SIAE: variants seen among roughly 807,000 people sequenced by gnomAD.
SIAE encodes sialic acid acetylesterase, also known as sialate O-acetylesterase.
In SIAE, 39 loss-of-function variants were observed where a neutral mutation model predicts 52.6. The ratio of observed to expected loss-of-function variants is 0.74; its 90% CI spans 0.57 to 0.97. The LOEUF is 0.97. Among genes scored for constraint, SIAE ranks in the 50% least tolerant of loss-of-function variants. The probability of loss-of-function intolerance (pLI) is 0.00; values close to 1 mark genes in which losing one functional copy is unlikely to be tolerated. For missense variants in SIAE, 592 were observed against 662.1 expected (o/e 0.89, Z 1.16); for synonymous variants, 233 against 241.4 (o/e 0.97, Z 0.32).
chr11:124,659,666 C>T (rs1045989151), intron 3 of SIAE: 5 of 139,916 alleles, frequency 3.6e-5, no homozygotes, highest in East Asian at 2.1e-4. Flanking sequence ...GGGGGGCTTC[C>T]GTATATATAA....
chr11:124,646,341 G>A (rs557482839), intron 7 of SIAE, among the ~76,000 whole-genome samples: 8 of 152,294 alleles, frequency 5.3e-5, no homozygotes, highest in African/African-American at 1.7e-4. Context: ...TGTGACCCAG[G>A]AAAATGTAGT....
intron 7 of SIAE, among the ~76,000 whole-genome samples, chr11:124,643,800 T>A (rs770414386): frequency 6.6e-6 from 1 of 152,190 alleles, no homozygotes; most frequent in African/African-American, 2.4e-5. Context: ...TTACAAACCA[T>A]GATCTAACTG....
rs993623638 is a variant in SIAE at position 124,636,263 on chromosome 11, C to T, written c.*688G>A. ...CATTTCTTAAACATTCATATTACCA[C>T]TATTTAGATTGAAGGAACAGAATTG... On this transcript the variant is annotated 3_prime_UTR_variant, in exon 10 of 10. Coordinates refer to ENST00000263593, the MANE Select transcript of SIAE (RefSeq NM_170601.5). The T allele has an allele frequency of 3.9e-5, 6 of 153,264 alleles. No homozygotes were observed. Among genetic ancestry groups the T allele is most frequent in the African/African-American group, 1.4e-4 (6 of 41,442 alleles). 9.5% of individuals were successfully genotyped at this position (153,264 alleles called of 1,614,324 possible).
intron 7 of SIAE, among the ~76,000 whole-genome samples, chr11:124,644,296 A>G (rs1240597544): frequency 6.7e-6 from 1 of 148,532 alleles, no homozygotes; most frequent in East Asian, 2.1e-4. Context: ...CATGTGCACC[A>G]GCCAGGGTCA....
At chr11:124,651,564 GAGTA>G (rs1469416512) in intron 4 of SIAE, among the ~76,000 whole-genome samples, 1 of 148,920 alleles carries the variant, frequency 6.7e-6, no homozygotes, top group Admixed American at 6.7e-5. Context: ...AAAAAAAAAA[GAGTA>G]AGACAAGTAT....
At chr11:124,642,421 T>C (rs1942863317) in intron 7 of SIAE, among the ~76,000 whole-genome samples, 1 of 152,206 alleles carries the variant, frequency 6.6e-6, no homozygotes, top group Non-Finnish European at 1.5e-5. Flanking sequence ...CCCATTCTTA[T>C]ACCCTAGTGG....
chr11:124,675,051 G>T (rs1405364037), upstream of SIAE: 5 of 511,180 alleles, frequency 9.8e-6, no homozygotes, highest in Admixed American at 3.7e-5. Flanking sequence ...GTCTGTGTTT[G>T]TATTATACTA....
chr11:124,675,543 A>G, upstream of SIAE: 2 of 1,020,486 alleles, frequency 2.0e-6, no homozygotes, highest in South Asian at 1.7e-5. Context: ...TTCAGATAAC[A>G]GTTCTTGCTC....
rs118136285 is a variant in SIAE, at chr11:124,650,178, C to A, written c.545-382G>T. Among the ~76,000 whole-genome samples the A allele has an allele frequency of 2.0e-3, 306 of 152,290 alleles. 2 individuals are homozygous for A. Among genetic ancestry groups the A allele is most frequent in the South Asian group, 8.3e-3 (40 of 4,822 alleles). ...ATATGATAGCGATTTTGCTCTCAGTCTGATTATAAATAATTCACTTACATA... is the reference window on the plus strand; with the variant it reads ...ATATGATAGCGATTTTGCTCTCAGTATGATTATAAATAATTCACTTACATA... On this transcript the variant is annotated intron_variant, in intron 4 of 9. Transcript: ENST00000263593.
In SIAE at chr11:124,673,684, C is replaced by G. The variant is rs566616753; in HGVS notation, c.25G>C (p.Gly9Arg). Residue 9 changes from glycine (G) to arginine (R), a missense_variant, in exon 1 of 10, where the codon GGG becomes CGG. By Grantham distance (125) the Gly-to-Arg change is moderately radical (BLOSUM62 -2). Coordinates refer to ENST00000263593, the MANE Select transcript of SIAE (RefSeq NM_170601.5). The stretch of plus-strand genomic sequence containing the variant: ...CACAGGATTAATGGCAGCACCAGCC[C>G]GAGTACAAGCCCCGGCGCGACCATG... MVAPGLVL[G>R]LVLPLILWAD... 29 of 1,613,632 alleles carry G rather than the reference C, an allele frequency of 1.8e-5. No individual in the cohort carries two copies. The highest frequency in any genetic ancestry group is 1.2e-4 in the Admixed American group (7 of 60,012).
chr11:124,635,392 A>G lies in SIAE; in HGVS notation c.*1559T>C, dbSNP rs1019265308. ...AACTAAATAAAATCTTGGCACTGAC[A>G]AAGTTATTCCTGCTGTTTGGAGCTA... On this transcript the variant is annotated 3_prime_UTR_variant, in exon 10 of 10. Coordinates refer to ENST00000263593, the MANE Select transcript of SIAE (RefSeq NM_170601.5). 1 of 152,214 alleles carries G rather than the reference A, an allele frequency of 6.6e-6. No homozygotes were observed. The highest frequency in any genetic ancestry group is 1.9e-4 in the East Asian group (1 of 5,198). 9.4% of individuals were successfully genotyped at this position (152,214 alleles called of 1,614,324 possible).
At chr11:124,666,877 G>A (rs1248773851) in intron 2 of SIAE, among the ~76,000 whole-genome samples, 1 of 152,162 alleles carries the variant, frequency 6.6e-6, no homozygotes, top group Non-Finnish European at 1.5e-5. Flanking sequence ...CACAATCACT[G>A]TAAAGGAAAA....
At chr11:124,659,755 C>T (rs1943159137) in intron 3 of SIAE, 1 of 147,076 alleles carries the variant, frequency 6.8e-6, no homozygotes, top group Admixed American at 6.9e-5. Context: ...AATCAGAAAA[C>T]TAATGATGAA....
chr11:124,637,806 C>T (rs76017121), intron 9 of SIAE, among the ~76,000 whole-genome samples: 2,446 of 152,214 alleles, frequency 0.016, 67 homozygotes, highest in African/African-American at 0.056. Context: ...AGGTGGATAC[C>T]GTAGTTAGGA....
Position 124,634,987 on chromosome 11 carries a change from A to G in SIAE, c.*1964T>C, listed in dbSNP as rs1942692236. ...TTGGGGAAATGCAGTGAATTCCCAC[A>G]TCATGTTTTAAATTACTCAGCCACT... is the stretch of plus-strand genomic sequence containing the variant. On this transcript the variant is annotated 3_prime_UTR_variant, in exon 10 of 10. Transcript: ENST00000263593. The G allele has an allele frequency of 6.6e-6, 1 of 152,228 alleles. No homozygotes were observed. Among genetic ancestry groups the G allele is most frequent in the Non-Finnish European group, 1.5e-5 (1 of 68,036 alleles). The allele number at this position is 152,228 out of a possible 1,614,324, so 9.4% of individuals were successfully genotyped here. A position where few individuals can be genotyped will look rare whatever the true frequency, so the allele number is the denominator to read the frequency against.
rs926126011 is a variant in SIAE, at chr11:124,636,253, C to G, written c.*698G>C. The G allele has an allele frequency of 1.3e-5, 2 of 152,816 alleles. No homozygotes were observed. The highest frequency in any genetic ancestry group is 2.4e-5 in the African/African-American group (1 of 41,448). 9.5% of individuals were successfully genotyped at this position (152,816 alleles called of 1,614,324 possible). On this transcript the variant is annotated 3_prime_UTR_variant, in exon 10 of 10. Transcript: ENST00000263593. ...TTTCTTATTTCATTTCTTAAACATT[C>G]ATATTACCACTATTTAGATTGAAGG...
At chr11:124,674,483 T>A (rs1943431232), upstream of SIAE, 1 of 152,332 alleles carries the variant, frequency 6.6e-6, no homozygotes, top group African/African-American at 2.4e-5. Context: ...ACTCTCACAT[T>A]AACAGGCCAG....
intron 3 of SIAE, among the ~76,000 whole-genome samples, chr11:124,656,721 T>C (rs976087662): frequency 1.3e-5 from 2 of 152,190 alleles, no homozygotes; most frequent in Non-Finnish European, 2.9e-5. Flanking sequence ...ATTTGTGTAT[T>C]TCTTCTTGAG....
intron 7 of SIAE, among the ~76,000 whole-genome samples, chr11:124,641,290 G>A (rs528234831): frequency 6.6e-6 from 1 of 152,318 alleles, no homozygotes; most frequent in South Asian, 2.1e-4. Flanking sequence ...TCAAAAATAT[G>A]AGAAGTCACT....
Sources: allele counts gnomAD v4.1 joint callset (sites outside exome capture counted in the v4.1 genomes callset), GRCh38; gene constraint gnomAD v4.1.1; transcripts MANE v1.5; gene names NCBI Gene and HGNC (gene_info 2026-07-23, HGNC 2026-07-21).